The following ABLIM1 variants were observed in gnomAD, a reference collection of about 807,000 sequenced individuals.
ABLIM1 encodes actin binding LIM protein 1.
In ABLIM1, 40 loss-of-function variants were observed where a neutral mutation model predicts 107.0. The observed-to-expected ratio is 0.37, with a 90% confidence interval of 0.29 to 0.49. The LOEUF is 0.49. ABLIM1 is among the 20% of genes least tolerant of loss of function. The pLI, the probability that ABLIM1 is intolerant of heterozygous loss-of-function variation, is 0.97. For synonymous variants in ABLIM1, 357 were observed against 357.3 expected (o/e 1.00, Z 0.01); for missense variants, 857 against 1,008.5 (o/e 0.85, Z 2.04).
Position 114,717,466 on chromosome 10 carries a change from T to G in ABLIM1, c.-213+50595A>C, listed in dbSNP as rs2081696652. Among the ~76,000 whole-genome samples, 8 of 152,270 alleles carry G rather than the reference T, an allele frequency of 5.3e-5. No individual in the cohort carries two copies. In the South Asian group the frequency reaches 1.7e-3, roughly 32 times the overall value. On this transcript the variant is annotated intron_variant, in intron 1 of 15. Coordinates refer to the ABLIM1 transcript ENST00000651092. The stretch of plus-strand genomic sequence containing the variant: ...TGTTTTGGGGTGCTATCATGCACAT[T>G]GTAGGGTCTTTAGCAACATCCCTGG...
At chr10:114,470,932 C>T (rs186894920) in intron 10 of ABLIM1, among the ~76,000 whole-genome samples, 494 of 152,122 alleles carry the variant, frequency 3.2e-3, no homozygotes, top group South Asian at 1.0e-2. Flanking sequence ...TCACCCAGGC[C>T]GGAGTACAAT....
chr10:114,787,692 T>C, the ABLIM1 span, among the ~76,000 whole-genome samples: 1 of 57,822 alleles, frequency 1.7e-5, no homozygotes, highest in Non-Finnish European at 4.0e-5. Flanking sequence ...AGCCACCCCG[T>C]CCGGGAGGGA....
At chr10:114,545,573 C>G (rs1228767517) in intron 5 of ABLIM1, among the ~76,000 whole-genome samples, 1 of 152,160 alleles carries the variant, frequency 6.6e-6, no homozygotes, top group Admixed American at 6.5e-5. Context: ...TTCATTAAAA[C>G]CACAATAAAG....
chr10:114,644,304 A>AAAAAAAT (rs1566166600), intron 1 of ABLIM1, among the ~76,000 whole-genome samples: 1 of 57,100 alleles, frequency 1.8e-5, no homozygotes, highest in Non-Finnish European at 3.4e-5. Context: ...AAAAAAAAAA[A>AAAAAAAT]AAATATATAT....
the ABLIM1 span, chr10:114,779,254 C>T: frequency 2.0e-5 from 3 of 152,246 alleles, no homozygotes; most frequent in South Asian, 6.2e-4. Context: ...CTATAACCAC[C>T]TTCAGGTAGG....
At chr10:114,443,700 G>GAAAAA (rs2060570392) in intron 17 of ABLIM1, among the ~76,000 whole-genome samples, 1 of 133,460 alleles carries the variant, frequency 7.5e-6, no homozygotes, top group Non-Finnish European at 1.6e-5. Context: ...AAAAGAAGAA[G>GAAAAA]AAGAAAAGCA....
intron 1 of ABLIM1, among the ~76,000 whole-genome samples, chr10:114,722,719 C>T (rs192410622): frequency 6.6e-6 from 1 of 152,372 alleles, no homozygotes; most frequent in African/African-American, 2.4e-5. Context: ...AATAGTCACT[C>T]TAAGCAGGTA....
Position 114,445,379 on chromosome 10 carries a change from C to T in ABLIM1, c.1760G>A (p.Ser587Asn). ...TTCCTCATCATCTTCCTCTCTGCCA[C>T]TAGATCTGCGTTTCATGTCAGGTCC... The part of the protein sequence containing the change: ...VVGPDMKRRS[S>N]GREEDDEELL... The change falls in exon 16 of 23, where the codon AGT (serine) becomes AAT (asparagine). Residue 587 changes from serine (S) to asparagine (N), a missense_variant. Physicochemically the swap from Ser to Asn is conservative, Grantham distance 46. Coordinates refer to ENST00000533213, the MANE Select transcript of ABLIM1 (RefSeq NM_002313.7). The T allele has an allele frequency of 6.2e-7, 1 of 1,614,158 alleles. No individual in the cohort carries two copies. The highest frequency in any genetic ancestry group is 8.5e-7 in the Non-Finnish European group (1 of 1,180,014).
At chr10:114,574,043 A>C (rs1238497638) in intron 3 of ABLIM1, among the ~76,000 whole-genome samples, 1 of 152,260 alleles carries the variant, frequency 6.6e-6, no homozygotes, top group African/African-American at 2.4e-5. Flanking sequence ...AAATAATTTT[A>C]TTATGAATAT....
At chr10:114,769,422 GGAAAGAAAGAAAGAAA>G (rs201904899), upstream of ABLIM1, among the ~76,000 whole-genome samples, 443 of 51,850 alleles carry the variant, frequency 8.5e-3, 4 homozygotes, top group African/African-American at 0.016. Flanking sequence ...AAGAAAAGAA[GGAAAGAAAGAAAGAAA>G]GAAAGAAAGA....
intron 1 of ABLIM1, among the ~76,000 whole-genome samples, chr10:114,631,260 A>T (rs1049773545): frequency 6.6e-6 from 1 of 152,224 alleles, no homozygotes; most frequent in Non-Finnish European, 1.5e-5. Flanking sequence ...CTAGTGCATA[A>T]ATGATGTACA....
At chr10:114,695,603 C>T (rs1266399929) in intron 1 of ABLIM1, among the ~76,000 whole-genome samples, 2 of 152,050 alleles carry the variant, frequency 1.3e-5, no homozygotes, top group Non-Finnish European at 2.9e-5. Context: ...CACAGAGAGC[C>T]AATGAATTAT....
intron 1 of ABLIM1, among the ~76,000 whole-genome samples, chr10:114,608,802 G>C (rs1391534476): frequency 6.6e-6 from 1 of 151,944 alleles, no homozygotes; most frequent in Non-Finnish European, 1.5e-5. Flanking sequence ...ATCAACTGAG[G>C]TCAGGAGTTC....
the ABLIM1 span, among the ~76,000 whole-genome samples, chr10:114,793,092 C>T: frequency 8.3e-4 from 126 of 152,132 alleles, 2 homozygotes; most frequent in Non-Finnish European, 3.2e-4. Flanking sequence ...GCAGAGGTTG[C>T]AGTAAGCCGA....
chr10:114,570,288 T>G (rs1348591102), intron 4 of ABLIM1, among the ~76,000 whole-genome samples: 9 of 152,196 alleles, frequency 5.9e-5, no homozygotes, highest in Non-Finnish European at 1.3e-4. Context: ...CGATGTTATT[T>G]TCCAGAAGAA....
At chr10:114,623,765 G>GAAA (rs1237782912) in intron 1 of ABLIM1, among the ~76,000 whole-genome samples, 9 of 152,196 alleles carry the variant, frequency 5.9e-5, no homozygotes, top group African/African-American at 2.2e-4. Context: ...GATCCCAGTT[G>GAAA]AAATTTGAGA....
chr10:114,529,908 T>C (rs2065267968), intron 6 of ABLIM1, among the ~76,000 whole-genome samples: 1 of 152,102 alleles, frequency 6.6e-6, no homozygotes, highest in South Asian at 2.1e-4. Flanking sequence ...GCACCTGTAA[T>C]CCCAGCTACT....
At chr10:114,792,679 TA>T in the ABLIM1 span, among the ~76,000 whole-genome samples, 1 of 152,218 alleles carries the variant, frequency 6.6e-6, no homozygotes. Flanking sequence ...GCTCCTTGGG[TA>T]AACCAATCCA....
intron 12 of ABLIM1, among the ~76,000 whole-genome samples, chr10:114,454,846 T>C (rs1479763045): frequency 6.6e-6 from 1 of 152,214 alleles, no homozygotes; most frequent in Non-Finnish European, 1.5e-5. Flanking sequence ...TTATATATTC[T>C]GGATACAAGT....
Sources: gnomAD v4.1 joint callset for allele counts (sites outside exome capture counted in the v4.1 genomes callset) on GRCh38, gnomAD v4.1.1 for gene constraint, MANE v1.5 for transcripts, NCBI Gene and HGNC (gene_info 2026-07-23, HGNC 2026-07-21) for gene names.